Variants in CFAP299 observed in about 807,000 individuals in gnomAD.
CFAP299 encodes the protein cilia and flagella associated protein 299, also known as cilia- and flagella-associated protein 299.
CFAP299 carries 21 observed loss-of-function variants against 27.0 expected under a neutral mutation model. That is an observed-to-expected ratio of 0.78 (90% CI 0.55 to 1.12). The LOEUF (loss-of-function observed/expected upper bound fraction) is 1.12. CFAP299 is among the 50% of genes most tolerant of loss of function. The probability of loss-of-function intolerance (pLI) is 0.00; values close to 1 mark genes in which losing one functional copy is unlikely to be tolerated. For missense variants in CFAP299, 310 were observed against 276.6 expected, an observed-to-expected ratio of 1.12 and a Z score of -0.86; for synonymous variants, 104 against 98.1, an observed-to-expected ratio of 1.06 and a Z score of -0.36.
intron 2 of CFAP299, among the ~76,000 whole-genome samples, chr4:80,436,355 G>A (rs931815499): frequency 1.3e-5 from 2 of 149,370 alleles, no homozygotes; most frequent in African/African-American, 5.0e-5. Context: ...CTGGAGTGCA[G>A]TGGCGCGATC....
chr4:80,739,212 G>A (rs1260994129), intron 3 of CFAP299, among the ~76,000 whole-genome samples: 1 of 152,074 alleles, frequency 6.6e-6, no homozygotes, highest in Non-Finnish European at 1.5e-5. Flanking sequence ...CAGTTACAGT[G>A]TTATACTATT....
intron 2 of CFAP299, among the ~76,000 whole-genome samples, chr4:80,571,372 G>A (rs1451667073): frequency 1.3e-5 from 2 of 150,838 alleles, no homozygotes; most frequent in South Asian, 2.1e-4. Flanking sequence ...CTTTGCTAAA[G>A]AGAACTGGAG....
At chr4:80,714,372 T>C (rs1350310382) in intron 3 of CFAP299, among the ~76,000 whole-genome samples, 1 of 152,162 alleles carries the variant, frequency 6.6e-6, no homozygotes, top group Non-Finnish European at 1.5e-5. Context: ...CAACTTCTGA[T>C]TATACTTTGA....
At chr4:80,690,314 G>T (rs1377731184) in intron 3 of CFAP299, among the ~76,000 whole-genome samples, 1 of 151,508 alleles carries the variant, frequency 6.6e-6, no homozygotes, top group East Asian at 1.9e-4. Context: ...CTCAGCAAAT[G>T]TAAAAGAACA....
chr4:80,590,117 G>T (rs997575536), intron 3 of CFAP299, among the ~76,000 whole-genome samples: 2 of 151,970 alleles, frequency 1.3e-5, no homozygotes, highest in African/African-American at 4.8e-5. Flanking sequence ...AAAAATATAG[G>T]TATTATTTAT....
At chr4:80,498,417 TA>T (rs756725596) in intron 2 of CFAP299, among the ~76,000 whole-genome samples, 7 of 151,804 alleles carry the variant, frequency 4.6e-5, no homozygotes, top group South Asian at 2.1e-4. Context: ...AGAATAGTAT[TA>T]AAAATTGGGC....
intron 3 of CFAP299, among the ~76,000 whole-genome samples, chr4:80,704,665 C>A (rs1326397109): frequency 1.3e-5 from 2 of 151,634 alleles, no homozygotes; most frequent in African/African-American, 2.4e-5. Context: ...TTTGCAGAAG[C>A]AACATTCCTT....
the CFAP299 span, among the ~76,000 whole-genome samples, chr4:80,326,120 T>C: frequency 6.6e-6 from 1 of 152,214 alleles, no homozygotes; most frequent in African/African-American, 2.4e-5. Flanking sequence ...GGTAATTAAT[T>C]CCATAATCTA....
chr4:80,560,519 C>T (rs575317589), intron 2 of CFAP299, among the ~76,000 whole-genome samples: 5 of 152,052 alleles, frequency 3.3e-5, no homozygotes, highest in South Asian at 2.1e-4. Flanking sequence ...TTGGGGTCCC[C>T]GATTCCAGGA....
chr4:80,390,701 A>C (rs928035305), intron 2 of CFAP299, among the ~76,000 whole-genome samples: 1 of 145,940 alleles, frequency 6.9e-6, no homozygotes, highest in Admixed American at 7.0e-5. Flanking sequence ...ATGTGTATAT[A>C]TGTATATATG....
chr4:80,941,760 G>A (rs1341013809), intron 4 of CFAP299, among the ~76,000 whole-genome samples: 2 of 152,134 alleles, frequency 1.3e-5, no homozygotes, highest in Non-Finnish European at 2.9e-5. Context: ...GAGGTCTTAG[G>A]GAGCTTTCAC....
At chr4:80,585,765 G>A (rs1183984444) in intron 3 of CFAP299, among the ~76,000 whole-genome samples, 2 of 152,130 alleles carry the variant, frequency 1.3e-5, no homozygotes, top group African/African-American at 4.8e-5. Flanking sequence ...ATAAGACAGG[G>A]AGGTCAACTG....
intron 2 of CFAP299, among the ~76,000 whole-genome samples, chr4:80,400,962 G>A (rs1481780809): frequency 6.6e-6 from 1 of 152,180 alleles, no homozygotes; most frequent in African/African-American, 2.4e-5. Context: ...TAAAATGACT[G>A]TTGCTATGTT....
intron 2 of CFAP299, among the ~76,000 whole-genome samples, chr4:80,532,912 A>G (rs1163795465): frequency 6.6e-6 from 1 of 152,224 alleles, no homozygotes; most frequent in African/African-American, 2.4e-5. Flanking sequence ...AGGGAAAGCT[A>G]GTGGCTAAGA....
At chr4:80,483,737 A>G (rs927287155) in intron 2 of CFAP299, among the ~76,000 whole-genome samples, 2 of 152,170 alleles carry the variant, frequency 1.3e-5, no homozygotes, top group African/African-American at 4.8e-5. Context: ...TTTTTGTTCC[A>G]AATGCATACC....
chr4:80,903,894 A>T (rs1182413444), intron 4 of CFAP299, among the ~76,000 whole-genome samples: 1 of 152,198 alleles, frequency 6.6e-6, no homozygotes, highest in East Asian at 1.9e-4. Context: ...AGTTAAAGTC[A>T]TACTTGGTCA....
rs1011512121 is a variant in CFAP299, at chr4:80,799,664, T to A, written c.334-70329T>A. Among the ~76,000 whole-genome samples the A allele has an allele frequency of 8.5e-3, 152 of 17,874 alleles. 18 individuals carry two copies. Among genetic ancestry groups the A allele is most frequent in the African/African-American group, 0.034 (133 of 3,936 alleles). The allele number at this position is 17,874 out of a possible 152,430, so 11.7% of individuals were successfully genotyped here. A position where few individuals can be genotyped will look rare whatever the true frequency, so the allele number is the denominator to read the frequency against. On this transcript the variant is annotated intron_variant, in intron 3 of 5. Transcript: ENST00000358105. ...AAAATATATATTTTATATATTATAT[T>A]TTATAAATATATATTTATAAATATA... is the stretch of plus-strand genomic sequence containing the variant.
intron 3 of CFAP299, among the ~76,000 whole-genome samples, chr4:80,752,381 T>C (rs1246410304): frequency 1.4e-5 from 2 of 148,014 alleles, no homozygotes; most frequent in Non-Finnish European, 3.0e-5. Flanking sequence ...TTGTGTTTCA[T>C]TGTACTCTAA....
chr4:80,588,751 A>G (rs1736575202), intron 3 of CFAP299, among the ~76,000 whole-genome samples: 2 of 152,166 alleles, frequency 1.3e-5, no homozygotes, highest in Admixed American at 1.3e-4. Context: ...AAAAAATGAT[A>G]ATAATAATGA....
Sources: gnomAD v4.1 joint callset for allele counts (sites outside exome capture counted in the v4.1 genomes callset) on GRCh38, gnomAD v4.1.1 for gene constraint, MANE v1.5 for transcripts, NCBI Gene and HGNC (gene_info 2026-07-23, HGNC 2026-07-21) for gene names.